The following DDX60L variants were observed in gnomAD, a reference collection of about 807,000 sequenced individuals.
DDX60L encodes DExD/H-box 60 like, also known as probable ATP-dependent RNA helicase DDX60-like.
Under a neutral mutation model 211.6 loss-of-function variants are expected in DDX60L, and 191 were observed. The observed-to-expected ratio is 0.90, with a 90% CI of 0.80 to 1.02. The LOEUF is 1.02. Ranked by LOEUF, DDX60L falls within the 50% of genes least tolerant of loss-of-function variation. The probability of loss-of-function intolerance (pLI) is 0.00; values close to 1 mark genes in which losing one functional copy is unlikely to be tolerated. For synonymous variants in DDX60L, 706 were observed against 694.1 expected, an observed-to-expected ratio of 1.02 and a Z score of -0.27; for missense variants, 2,007 against 1,984.1, an observed-to-expected ratio of 1.01 and a Z score of -0.22.
chr4:168,464,280 C>A (rs1302100599), intron 4 of DDX60L, among the ~76,000 whole-genome samples: 1 of 151,948 alleles, frequency 6.6e-6, no homozygotes, highest in African/African-American at 2.4e-5. Flanking sequence ...CAAAACAAGT[C>A]CCAATAGATG....
Position 168,461,706 on chromosome 4 carries a change from G to A in DDX60L, c.599C>T (p.Ser200Phe), listed in dbSNP as rs1407881252. Residue 200 changes from serine to phenylalanine, a missense_variant, in exon 5 of 38, where the codon TCC becomes TTC. Physicochemically the swap from Ser to Phe is radical, Grantham distance 155 (BLOSUM62 -2). Transcript: ENST00000682922. Reference protein sequence around the residue: ...MESTDRNQTFSKENETVIQSA... With the variant: ...MESTDRNQTFFKENETVIQSA... ...GTTATTAATGTCAATTACCTCCTTGGAAAAAGTTTGGTTTCTGTCTGTGCT... is the reference window on the plus strand; with the variant it reads ...GTTATTAATGTCAATTACCTCCTTGAAAAAAGTTTGGTTTCTGTCTGTGCT... The A allele has an allele frequency of 2.0e-6, 3 of 1,530,012 alleles. No homozygotes were observed. 94.8% of individuals were successfully genotyped at this position (1,530,012 alleles called of 1,614,324 possible).
chr4:168,358,836 A>G (rs1187794350), intron 37 of DDX60L, among the ~76,000 whole-genome samples: 2 of 152,012 alleles, frequency 1.3e-5, no homozygotes, highest in African/African-American at 4.8e-5. Context: ...TCTTTATATT[A>G]CACCTAAACT....
chr4:168,363,053 C>A (rs1400106975), intron 36 of DDX60L, among the ~76,000 whole-genome samples: 2 of 152,114 alleles, frequency 1.3e-5, no homozygotes, highest in South Asian at 4.1e-4. Context: ...ATTCTAAATG[C>A]TGAAGAGAAA....
At chr4:168,399,691 A>T (rs1746452062) in intron 26 of DDX60L, among the ~76,000 whole-genome samples, 2 of 152,348 alleles carry the variant, frequency 1.3e-5, no homozygotes, top group South Asian at 4.1e-4. Flanking sequence ...AGGCAGAGCC[A>T]GTAAGTGAGG....
chr4:168,361,616 T>A (rs1012085843), intron 36 of DDX60L, among the ~76,000 whole-genome samples: 4 of 152,184 alleles, frequency 2.6e-5, no homozygotes, highest in Admixed American at 6.5e-5. Flanking sequence ...AGCTCAAGAT[T>A]TGTCAAGAAT....
rs767461447 is a variant in DDX60L at position 168,454,758 on chromosome 4, C to CTTTTTTTTTTTTTTTTTTTTTTTTTTTTT, written c.837+1280_837+1281insAAAAAAAAAAAAAAAAAAAAAAAAAAAAA. Among the ~76,000 whole-genome samples the CTTTTTTTTTTTTTTTTTTTTTTTTTTTTT allele has an allele frequency of 9.0e-4, 80 of 88,618 alleles. 14 individuals are homozygous for CTTTTTTTTTTTTTTTTTTTTTTTTTTTTT. Among genetic ancestry groups the CTTTTTTTTTTTTTTTTTTTTTTTTTTTTT allele is most frequent in the African/African-American group, 2.5e-3 (51 of 20,666 alleles). The allele number at this position is 88,618 out of a possible 152,430, so 58.1% of individuals were successfully genotyped here. A position where few individuals can be genotyped will look rare whatever the true frequency, so the allele number is the denominator to read the frequency against. On this transcript the variant is annotated intron_variant, in intron 7 of 37. Coordinates refer to ENST00000682922, the MANE Select transcript of DDX60L (RefSeq NM_001012967.3). ...GTGCTCCCGAAGAGTAAACAGCTTC[C>CTTTTTTTTTTTTTTTTTTTTTTTTTTTTT]TTTTTTTTTTTTTTTTTTTTTAGCA...
At chr4:168,396,993 T>C (rs1375164805) in intron 26 of DDX60L, among the ~76,000 whole-genome samples, 1 of 151,896 alleles carries the variant, frequency 6.6e-6, no homozygotes, top group Non-Finnish European at 1.5e-5. Flanking sequence ...CTTTAGGAGG[T>C]GATTAAGTCA....
Position 168,463,733 on chromosome 4 carries a change from C to CA in DDX60L, c.265-1694dup, listed in dbSNP as rs559207637. ...ATGGTGCCAAAACTAACCCCCACCC[C>CA]AAAAAAATCCTATGTATAAAGATTG... On this transcript the variant is annotated intron_variant, in intron 4 of 37. Transcript: ENST00000682922. Among the ~76,000 whole-genome samples the CA allele has an allele frequency of 1.8e-4, 28 of 152,022 alleles. No individual in the cohort carries two copies. In the East Asian group the frequency reaches 4.4e-3, roughly 24 times the overall value.
intron 10 of DDX60L, among the ~76,000 whole-genome samples, chr4:168,439,070 T>C (rs1286735556): frequency 2.0e-5 from 3 of 152,164 alleles, no homozygotes; most frequent in African/African-American, 7.2e-5. Flanking sequence ...AGTATAGTTG[T>C]ATCATGTTAA....
rs190559632 is a variant in DDX60L, at chr4:168,375,533, G to A, written c.4486-9C>T. On this transcript the variant is annotated splice_polypyrimidine_tract_variant and intron_variant, in intron 33 of 37. Coordinates refer to ENST00000682922, the MANE Select transcript of DDX60L (RefSeq NM_001012967.3). ...AGTTCGGCAAGGATCACCTATGGGC[G>A]AAATACATTTCAGAAAGATCTCTTT... The A allele has an allele frequency of 1.9e-5, 30 of 1,573,454 alleles. No homozygotes were observed. Among genetic ancestry groups the A allele is most frequent in the Admixed American group, 1.8e-4 (9 of 50,616 alleles).
chr4:168,420,681 A>G (rs1750451460), intron 17 of DDX60L, among the ~76,000 whole-genome samples: 1 of 119,386 alleles, frequency 8.4e-6, no homozygotes, highest in Non-Finnish European at 1.8e-5. Context: ...AGATAGATAG[A>G]TAGACAGACA....
chr4:168,450,130 A>T (rs886090943), intron 8 of DDX60L, among the ~76,000 whole-genome samples: 1 of 152,192 alleles, frequency 6.6e-6, no homozygotes, highest in African/African-American at 2.4e-5. Context: ...ATGCAGCTGG[A>T]GGCTACAAGA....
Position 168,396,974 on chromosome 4 carries a change from AGGTGG to A in DDX60L, c.3492-855_3492-851del, listed in dbSNP as rs540216588. Reference sequence around the variant, plus strand: ...CCTAAACTCCATTTGTGATATCAGAAGGTGGGGTCTTTAGGAGGTGATTAAGTCAC... The same window carrying A: ...CCTAAACTCCATTTGTGATATCAGAAGGTCTTTAGGAGGTGATTAAGTCAC... On this transcript the variant is annotated intron_variant, in intron 26 of 37. Coordinates refer to ENST00000682922, the MANE Select transcript of DDX60L (RefSeq NM_001012967.3). 2.0e-5 allele frequency among the ~76,000 whole-genome samples: 3 copies of A among 152,324 alleles called. No individual in the cohort carries two copies. The South Asian group carries it at 6.2e-4, about 32-fold the overall frequency.
At chr4:168,419,187 C>T (rs904792926) in intron 19 of DDX60L, 115 bp downstream of exon 19, 5 of 641,596 alleles carry the variant, frequency 7.8e-6, no homozygotes, top group Non-Finnish European at 1.2e-5. Flanking sequence ...CATTGGTACC[C>T]TGGCTGACGC....
chr4:168,453,420 T>C, intron 7 of DDX60L, 138 bp from the exon 8 acceptor site: 1 of 804,792 alleles, frequency 1.2e-6, no homozygotes, highest in Non-Finnish European at 1.9e-6. Flanking sequence ...ATACACAAAC[T>C]TGGCTGCACT....
rs1397716419 is a variant in DDX60L, at chr4:168,453,145, G to C, written c.975C>G (p.Asn325Lys). 20 of 1,610,132 alleles carry C rather than the reference G, an allele frequency of 1.2e-5. No homozygotes were observed. The highest frequency in any genetic ancestry group is 1.6e-5 in the Non-Finnish European group (19 of 1,178,432). Residue 325 changes from asparagine (N) to lysine (K), a missense_variant, in exon 8 of 38, where the codon AAC becomes AAG. Coordinates refer to ENST00000682922, the MANE Select transcript of DDX60L (RefSeq NM_001012967.3). ...SRVITCSWIR[N>K]SDSFLKMNKW... ...TTACCATTTTTAAGAAAGAATCACT[G>C]TTCCTAATCCAAGAGCATGTGATGA...
intron 13 of DDX60L, 82 bp downstream of exon 13, chr4:168,430,396 G>A (rs1019290866): frequency 8.1e-7 from 1 of 1,228,462 alleles, no homozygotes; most frequent in African/African-American, 1.5e-5. Context: ...GAGAATGGAA[G>A]ACACCTCCAG....
intron 25 of DDX60L, 91 bp from the exon 26 acceptor site, chr4:168,401,069 T>A: frequency 8.5e-7 from 1 of 1,172,236 alleles, no homozygotes; most frequent in South Asian, 1.5e-5. Context: ...CTCAATCATC[T>A]GAATAGACTT....
chr4:168,445,575 A>G (rs1041192181), intron 9 of DDX60L, among the ~76,000 whole-genome samples: 3 of 152,170 alleles, frequency 2.0e-5, no homozygotes, highest in Non-Finnish European at 4.4e-5. Context: ...AGACACAACA[A>G]AAGAAGAGAA....
Sources: gnomAD v4.1 joint callset for allele counts (sites outside exome capture counted in the v4.1 genomes callset) on GRCh38, gnomAD v4.1.1 for gene constraint, MANE v1.5 for transcripts, NCBI Gene and HGNC (gene_info 2026-07-23, HGNC 2026-07-21) for gene names.